Variants in FSTL4 observed in about 807,000 individuals in gnomAD.
The protein encoded by FSTL4 is follistatin-related protein 4.
In FSTL4, 28 loss-of-function variants were observed where a neutral mutation model predicts 78.2. That is an observed-to-expected ratio of 0.36 (90% CI 0.27 to 0.49). The LOEUF (loss-of-function observed/expected upper bound fraction) is 0.49. FSTL4 is among the 20% of genes least tolerant of loss of function. FSTL4 has a pLI of 0.98. For missense variants in FSTL4, 922 were observed against 1,084.9 expected (o/e 0.85, Z 2.11); for synonymous variants, 422 against 440.5 (o/e 0.96, Z 0.53).
the FSTL4 span, among the ~76,000 whole-genome samples, chr5:133,776,366 A>G: frequency 6.6e-6 from 1 of 152,278 alleles, no homozygotes; most frequent in South Asian, 2.1e-4. Context: ...TTATGGCTAC[A>G]GCTCTCCTTG....
chr5:133,409,884 G>C (rs1025493959), intron 3 of FSTL4, among the ~76,000 whole-genome samples: 1 of 152,180 alleles, frequency 6.6e-6, no homozygotes, highest in African/African-American at 2.4e-5. Context: ...GGATCTACAA[G>C]GTGTGTCTCT....
At chr5:133,792,331 A>G in the FSTL4 span, among the ~76,000 whole-genome samples, 27 of 152,182 alleles carry the variant, frequency 1.8e-4, no homozygotes, top group African/African-American at 6.5e-4. Flanking sequence ...GGGGTCTGCC[A>G]GGCACCACAC....
the FSTL4 span, among the ~76,000 whole-genome samples, chr5:133,739,263 A>G: frequency 3.4e-4 from 52 of 151,490 alleles, no homozygotes; most frequent in East Asian, 8.6e-3. Flanking sequence ...TAAGAAACCA[A>G]TGAGGGCTTT....
chr5:133,445,310 A>G (rs1240618149), intron 3 of FSTL4, among the ~76,000 whole-genome samples: 2 of 152,098 alleles, frequency 1.3e-5, no homozygotes, highest in Non-Finnish European at 1.5e-5. Context: ...GTGCTCCCTC[A>G]GATCACTGCT....
At chr5:133,708,015 C>T in the FSTL4 span, among the ~76,000 whole-genome samples, 1 of 150,234 alleles carries the variant, frequency 6.7e-6, no homozygotes, top group Non-Finnish European at 1.5e-5. Context: ...TGTGTAACTC[C>T]AATGCTTGGA....
intron 3 of FSTL4, among the ~76,000 whole-genome samples, chr5:133,507,891 TA>T (rs111631274): frequency 0.41 from 62,610 of 151,936 alleles, 14,454 homozygotes; most frequent in East Asian, 0.62. Flanking sequence ...TAGAATTTTT[TA>T]AAAATACAGT....
At chr5:133,788,303 G>A in the FSTL4 span, among the ~76,000 whole-genome samples, 10 of 152,230 alleles carry the variant, frequency 6.6e-5, no homozygotes, top group Non-Finnish European at 8.8e-5. Context: ...TCTTCGCTTC[G>A]GTTTCCGTGG....
rs537189821 is a variant in FSTL4 at position 133,345,096 on chromosome 5, G to T, written c.410-28444C>A. ...CCATTCTCCTGCCTCAGCCTCCCAA[G>T]TAGCTGGTACTACAGGGCCCCCACT... On this transcript the variant is annotated intron_variant, in intron 4 of 15. Transcript: ENST00000265342. 3.5e-4 allele frequency among the ~76,000 whole-genome samples: 53 copies of T among 151,594 alleles called. 2 individuals carry two copies. The East Asian group carries it at 0.01, about 29-fold the overall frequency.
At chr5:133,595,748 T>G (rs1277338735) in intron 2 of FSTL4, among the ~76,000 whole-genome samples, 1 of 152,228 alleles carries the variant, frequency 6.6e-6, no homozygotes, top group African/African-American at 2.4e-5. Flanking sequence ...GGGCACCTCA[T>G]GTACCATCTT....
rs184582198 is a variant in FSTL4 at position 133,445,724 on chromosome 5, C to G, written c.161-44738G>C. Reference sequence around the variant, plus strand: ...CTTCCCCAAAACGTGCACAGGCCCTCCCGGGTCCCCAGGCCTGTGTATTTG... The same window carrying G: ...CTTCCCCAAAACGTGCACAGGCCCTGCCGGGTCCCCAGGCCTGTGTATTTG... On this transcript the variant is annotated intron_variant, in intron 3 of 15. Transcript: ENST00000265342. 4.2e-3 allele frequency among the ~76,000 whole-genome samples: 643 copies of G among 152,302 alleles called. 4 individuals are homozygous for G. The highest frequency in any genetic ancestry group is 0.014 in the African/African-American group (570 of 41,566).
At position 133,217,375 on chromosome 5, in the gene FSTL4, C is replaced by T. The variant is rs1218094477; in HGVS notation, c.1462G>A (p.Glu488Lys). Residue 488 changes from glutamate (E) to lysine (K), a missense_variant, in exon 13 of 16, where the codon GAA (glutamate) becomes AAA (lysine). Physicochemically the swap from Glu to Lys is moderately conservative, Grantham distance 56. Transcript: ENST00000265342. ...TTTTTTTCTCTTTGAGGACAGATTT[C>T]TTCCTGCAAAGGAGATAGGCTGTCA... ...PTEKIFMSYE[E>K]ICPQREKNAT... 1 of 1,614,012 alleles carries T rather than the reference C, an allele frequency of 6.2e-7. No homozygotes were observed. The highest frequency in any genetic ancestry group is 8.5e-7 in the Non-Finnish European group (1 of 1,179,932).
chr5:133,257,474 T>G (rs1752409205), intron 6 of FSTL4, among the ~76,000 whole-genome samples: 1 of 152,214 alleles, frequency 6.6e-6, no homozygotes, highest in African/African-American at 2.4e-5. Context: ...CCCTCTAGGC[T>G]CTGGGGTTCC....
rs1203597660 is a variant in FSTL4, at chr5:133,398,796, G to T, written c.409+1942C>A. On this transcript the variant is annotated intron_variant, in intron 4 of 15. Coordinates refer to ENST00000265342, the MANE Select transcript of FSTL4 (RefSeq NM_015082.2). ...AGCTGGGAAGTACCAGAACTGAGATGCCACCCTTGGTCTTTCTGGGAGCTC... is the reference window on the plus strand; with the variant it reads ...AGCTGGGAAGTACCAGAACTGAGATTCCACCCTTGGTCTTTCTGGGAGCTC... Among the ~76,000 whole-genome samples the T allele has an allele frequency of 3.3e-5, 5 of 152,276 alleles. No homozygotes were observed. In the East Asian group the frequency reaches 9.7e-4, roughly 29 times the overall value.
chr5:133,618,667 A>T, the FSTL4 span, among the ~76,000 whole-genome samples: 6 of 152,318 alleles, frequency 3.9e-5, no homozygotes, highest in South Asian at 1.2e-3. Flanking sequence ...ACTCTGTAAG[A>T]TCCTTATTGC....
At chr5:133,545,393 T>C (rs1414065213) in intron 3 of FSTL4, among the ~76,000 whole-genome samples, 1 of 152,150 alleles carries the variant, frequency 6.6e-6, no homozygotes, top group African/African-American at 2.4e-5. Flanking sequence ...CAAGAGTGTG[T>C]TATTATAAAG....
intron 4 of FSTL4, among the ~76,000 whole-genome samples, chr5:133,391,268 G>A (rs988408732): frequency 6.6e-6 from 1 of 152,204 alleles, no homozygotes; most frequent in African/African-American, 2.4e-5. Context: ...CGATAGGGGA[G>A]AACCTTAAAG....
At chr5:133,325,111 T>G (rs546469814) in intron 4 of FSTL4, among the ~76,000 whole-genome samples, 2 of 152,202 alleles carry the variant, frequency 1.3e-5, no homozygotes, top group African/African-American at 4.8e-5. Context: ...CCTCTTGTCT[T>G]GGCATTGCTG....
the FSTL4 span, among the ~76,000 whole-genome samples, chr5:133,708,186 T>C: frequency 1.5e-4 from 2 of 13,426 alleles, no homozygotes; most frequent in African/African-American, 3.0e-4. Context: ...GAGGGAGAGG[T>C]GGGGAGGGAA....
chr5:133,658,050 ATC>A, the FSTL4 span, among the ~76,000 whole-genome samples: 1 of 152,136 alleles, frequency 6.6e-6, no homozygotes, highest in African/African-American at 2.4e-5. Flanking sequence ...TCCTAAAATG[ATC>A]ATGAGATTTT....
Sources: allele counts gnomAD v4.1 joint callset (sites outside exome capture counted in the v4.1 genomes callset), GRCh38; gene constraint gnomAD v4.1.1; transcripts MANE v1.5; gene names NCBI Gene and HGNC (gene_info 2026-07-23, HGNC 2026-07-21).